The following RIMS2 variants were observed in gnomAD, a reference collection of about 807,000 sequenced individuals.
RIMS2 encodes the protein regulating synaptic membrane exocytosis 2.
A neutral mutation model predicts 174.4 loss-of-function variants in RIMS2; 59 were observed. The observed-to-expected ratio is 0.34, with a 90% CI of 0.27 to 0.42. RIMS2 has a LOEUF of 0.42. RIMS2 is among the 10% of genes least tolerant of loss of function. RIMS2 has a pLI of 1.00. For missense variants in RIMS2, 1,620 were observed against 1,666.3 expected, an observed-to-expected ratio of 0.97 and a Z score of 0.48; for synonymous variants, 606 against 572.5, an observed-to-expected ratio of 1.06 and a Z score of -0.84.
chr8:103,997,567 A>G (rs934171670), intron 17 of RIMS2, among the ~76,000 whole-genome samples: 5 of 151,848 alleles, frequency 3.3e-5, no homozygotes, highest in Admixed American at 2.6e-4. Flanking sequence ...TGCTTATGGT[A>G]GTTATGAGGC....
chr8:103,611,257 T>A (rs1010369646), intron 1 of RIMS2, among the ~76,000 whole-genome samples: 17 of 152,204 alleles, frequency 1.1e-4, no homozygotes, highest in Admixed American at 9.8e-4. Flanking sequence ...TTTCTCTTTA[T>A]GTCTTATTAT....
chr8:104,038,535 T>C (rs139454222), intron 19 of RIMS2, among the ~76,000 whole-genome samples: 6 of 151,922 alleles, frequency 3.9e-5, no homozygotes, highest in Non-Finnish European at 8.8e-5. Context: ...CTTCATTAAC[T>C]GCACTAAAAA....
At chr8:103,521,329 AG>A (rs1465293978) in intron 1 of RIMS2, among the ~76,000 whole-genome samples, 1 of 152,068 alleles carries the variant, frequency 6.6e-6, no homozygotes. Context: ...AAATGAAAAA[AG>A]TGTGTAACCT....
chr8:103,834,734 TTCTTTCTTTCTC>T (rs2098854977), intron 3 of RIMS2, among the ~76,000 whole-genome samples: 1 of 121,788 alleles, frequency 8.2e-6, no homozygotes, highest in Admixed American at 8.9e-5. Context: ...CTTTCTTTCT[TTCTTTCTTTCTC>T]TCTCTTTCTT....
At chr8:104,035,238 T>C (rs2096489597) in intron 19 of RIMS2, among the ~76,000 whole-genome samples, 1 of 147,624 alleles carries the variant, frequency 6.8e-6, no homozygotes, top group African/African-American at 2.6e-5. Flanking sequence ...TTGTATCTTA[T>C]ATGGAAAATA....
intron 1 of RIMS2, among the ~76,000 whole-genome samples, chr8:103,641,505 A>G (rs1308523678): frequency 6.6e-6 from 1 of 151,644 alleles, no homozygotes; most frequent in Non-Finnish European, 1.5e-5. Context: ...CTATCAACCA[A>G]CCTCTCTTAA....
chr8:103,910,021 G>C (rs2075343312), intron 4 of RIMS2: 2 of 621,756 alleles, frequency 3.2e-6, no homozygotes, highest in Non-Finnish European at 5.8e-6. Flanking sequence ...GAGTGCTACA[G>C]ACAAAGTTCT....
chr8:103,687,141 G>A (rs1434327393), intron 1 of RIMS2, among the ~76,000 whole-genome samples: 3 of 151,844 alleles, frequency 2.0e-5, no homozygotes, highest in African/African-American at 7.3e-5. Context: ...TATAAAGCTT[G>A]TCAAGCTATC....
intron 19 of RIMS2, among the ~76,000 whole-genome samples, chr8:104,047,472 C>T (rs776215698): frequency 6.6e-6 from 1 of 152,006 alleles, no homozygotes; most frequent in Non-Finnish European, 1.5e-5. Context: ...GCTCCATGAT[C>T]TTGTGAAAGT....
chr8:103,848,131 A>G (rs1016734389), intron 3 of RIMS2, among the ~76,000 whole-genome samples: 3 of 151,910 alleles, frequency 2.0e-5, no homozygotes, highest in East Asian at 1.9e-4. Flanking sequence ...TCCTGTCCAT[A>G]TGTGTTATGA....
At chr8:104,010,850 G>A (rs1384746123) in intron 17 of RIMS2, among the ~76,000 whole-genome samples, 1 of 152,000 alleles carries the variant, frequency 6.6e-6, no homozygotes, top group African/African-American at 2.4e-5. Context: ...TATTTTATAT[G>A]CATAACATAA....
At chr8:103,910,594 C>T in intron 5 of RIMS2, 65 bp downstream of exon 8, 1 of 894,628 alleles carries the variant, frequency 1.1e-6, no homozygotes, top group Admixed American at 2.1e-5. Flanking sequence ...CTCTGTCACT[C>T]ATTAAAACAG....
chr8:103,584,075 G>T (rs1258088050), intron 1 of RIMS2, among the ~76,000 whole-genome samples: 1 of 152,126 alleles, frequency 6.6e-6, no homozygotes, highest in Non-Finnish European at 1.5e-5. Flanking sequence ...GATAAAGAAA[G>T]GATCCGAAAA....
intron 10 of RIMS2, among the ~76,000 whole-genome samples, chr8:103,923,016 A>G (rs2078015692): frequency 1.3e-5 from 2 of 151,974 alleles, no homozygotes; most frequent in Admixed American, 6.6e-5. Context: ...TATTTCATAA[A>G]CAGAGTGAAC....
chr8:103,882,507 G>C (rs2099172568), intron 3 of RIMS2, among the ~76,000 whole-genome samples: 1 of 151,318 alleles, frequency 6.6e-6, no homozygotes, highest in Admixed American at 6.6e-5. Flanking sequence ...TACCTTAAAG[G>C]GTATTCTTGA....
intron 19 of RIMS2, among the ~76,000 whole-genome samples, chr8:104,076,805 G>T (rs1452157136): frequency 6.6e-6 from 1 of 150,996 alleles, no homozygotes; most frequent in Non-Finnish European, 1.5e-5. Flanking sequence ...TACCTCCAAG[G>T]ATTGTTTTCT....
At chr8:103,705,615 T>TATGGGAA (rs2097215461) in intron 2 of RIMS2, among the ~76,000 whole-genome samples, 1 of 152,066 alleles carries the variant, frequency 6.6e-6, no homozygotes, top group Non-Finnish European at 1.5e-5. Context: ...ATTTTCCCTA[T>TATGGGAA]ATATTTGGGT....
chr8:103,863,043 G>T (rs940374427), intron 3 of RIMS2, among the ~76,000 whole-genome samples: 1 of 152,008 alleles, frequency 6.6e-6, no homozygotes, highest in Non-Finnish European at 1.5e-5. Flanking sequence ...ATCTTGTTCT[G>T]CTTCTTAGGG....
At chr8:103,648,168 A>G (rs907038435) in intron 1 of RIMS2, among the ~76,000 whole-genome samples, 2 of 151,776 alleles carry the variant, frequency 1.3e-5, no homozygotes, top group African/African-American at 4.8e-5. Flanking sequence ...CCTTAATTTC[A>G]TTATTTACAC....
Sources: allele counts gnomAD v4.1 joint callset (sites outside exome capture counted in the v4.1 genomes callset), GRCh38; gene constraint gnomAD v4.1.1; transcripts MANE v1.5; gene names NCBI Gene and HGNC (gene_info 2026-07-23, HGNC 2026-07-21).